Variants in ABCA9 observed in about 807,000 individuals in gnomAD.
ABCA9 encodes ATP-binding cassette sub-family A member 9.
Under a neutral mutation model 205.3 loss-of-function variants are expected in ABCA9, and 183 were observed. The ratio of observed to expected loss-of-function variants is 0.89; its 90% CI spans 0.79 to 1.01. The LOEUF is 1.01. ABCA9 is among the 50% of genes least tolerant of loss of function. ABCA9 has a pLI of 0.00. For synonymous variants in ABCA9, 651 were observed against 683.3 expected (o/e 0.95, Z 0.74); for missense variants, 1,805 against 1,912.4 (o/e 0.94, Z 1.05).
intron 19 of ABCA9, 92 bp from the exon 20 acceptor site, chr17:69,018,671 T>C: frequency 1.1e-6 from 1 of 947,190 alleles, no homozygotes; most frequent in Non-Finnish European, 1.5e-6. Flanking sequence ...ATAACAGAAA[T>C]AAATTATAAT....
chr17:68,986,047 A>G (rs879674671), intron 32 of ABCA9, 117 bp downstream of exon 32: 26 of 1,046,996 alleles, frequency 2.5e-5, no homozygotes, highest in Non-Finnish European at 3.3e-5. Context: ...TAGATGACCA[A>G]ATCTTCTCCC....
upstream of ABCA9, among the ~76,000 whole-genome samples, chr17:69,062,984 CA>C (rs1179732503): frequency 5.3e-5 from 8 of 151,986 alleles, no homozygotes; most frequent in Non-Finnish European, 4.4e-5. Flanking sequence ...ACATTTAATC[CA>C]CAGAATAATC....
intron 25 of ABCA9, among the ~76,000 whole-genome samples, chr17:69,003,180 TG>T (rs1191299621): frequency 2.0e-5 from 3 of 152,032 alleles, no homozygotes; most frequent in African/African-American, 7.3e-5. Flanking sequence ...CTGGTTATTT[TG>T]CTCGTTAGTT....
the ABCA9 span, among the ~76,000 whole-genome samples, chr17:69,067,601 AAAAGAAAG>A: frequency 8.0e-4 from 118 of 147,222 alleles, no homozygotes; most frequent in Admixed American, 1.8e-3. Flanking sequence ...AGAGAAAGAA[AAAAGAAAG>A]AAAGAAAGAA....
chr17:69,068,772 AAATAT>A, the ABCA9 span, among the ~76,000 whole-genome samples: 1 of 152,228 alleles, frequency 6.6e-6, no homozygotes, highest in Non-Finnish European at 1.5e-5. Context: ...AGCAACTAAT[AAATAT>A]ATTAGTGAAC....
Position 69,043,798 on chromosome 17 carries a change from C to T in ABCA9, c.574-83G>A, listed in dbSNP as rs557609378. 3.3e-4 allele frequency: 372 copies of T among 1,141,176 alleles called. No individual in the cohort carries two copies. The South Asian group carries it at 3.8e-3, about 12-fold the overall frequency. The allele number at this position is 1,141,176 out of a possible 1,614,324, so 70.7% of individuals were successfully genotyped here. A position where few individuals can be genotyped will look rare whatever the true frequency, so the allele number is the denominator to read the frequency against. ...TTTTTCTCTAAATTATAAGGAATCA[C>T]GTACATTCTACATTTATGTATTTTA... On this transcript the variant is annotated intron_variant, in intron 5 of 38. Transcript: ENST00000340001.
At chr17:69,032,502 A>T (rs1252734158) in intron 9 of ABCA9, 1 of 373,902 alleles carries the variant, frequency 2.7e-6, no homozygotes, top group African/African-American at 2.1e-5. Context: ...TAGCATTGTT[A>T]ACTAACTAAA....
chr17:68,999,236 AT>A (rs1253713040), intron 25 of ABCA9, among the ~76,000 whole-genome samples: 1 of 141,138 alleles, frequency 7.1e-6, no homozygotes, highest in Non-Finnish European at 1.5e-5. Flanking sequence ...CTAACTCGTC[AT>A]CTAGCATTAG....
chr17:69,005,053 C>T (rs2070073557), intron 25 of ABCA9, among the ~76,000 whole-genome samples: 1 of 152,216 alleles, frequency 6.6e-6, no homozygotes, highest in African/African-American at 2.4e-5. Flanking sequence ...CCCGCTACCT[C>T]AGATGGAAAT....
Position 69,018,586 on chromosome 17 carries a change from A to C in ABCA9, c.2601-7T>G. On this transcript the variant is annotated splice_region_variant and splice_polypyrimidine_tract_variant and intron_variant, in intron 19 of 38. Coordinates refer to ENST00000340001, the MANE Select transcript of ABCA9 (RefSeq NM_080283.4). The stretch of plus-strand genomic sequence containing the variant: ...AATACCAAAAAGCAATAATCTATGC[A>C]GAGGAAAATGTAAAAGAAAAAAATA... 1 of 1,554,126 alleles carries C rather than the reference A, an allele frequency of 6.4e-7. No homozygotes were observed. The highest frequency in any genetic ancestry group is 2.4e-5 in the East Asian group (1 of 42,274).
upstream of ABCA9, among the ~76,000 whole-genome samples, chr17:69,062,110 A>G (rs2072270984): frequency 6.6e-6 from 1 of 152,056 alleles, no homozygotes; most frequent in African/African-American, 2.4e-5. Context: ...AAGTAGGCTG[A>G]ACTCCTGAAT....
At position 69,018,446 on chromosome 17, in the gene ABCA9, G is replaced by A; in HGVS notation, c.2734C>T (p.Pro912Ser). ...TTGATGACCAGTAAATGGGTCAGAG[G>A]ATCCTGTGGTTGTTGTCCTGGTGAG... ...FLSPGQQPQD[P>S]LTHLLVINKT... The change falls in exon 20 of 39, where the codon CCT becomes TCT. Residue 912 changes from proline to serine, a missense_variant. Pro to Ser is a moderately conservative substitution (Grantham distance 74). Transcript: ENST00000340001. 1.2e-6 allele frequency: 2 copies of A among 1,601,432 alleles called. No homozygotes were observed. Among genetic ancestry groups the A allele is most frequent in the South Asian group, 1.1e-5 (1 of 89,144 alleles).
chr17:69,025,030 A>G (rs2070935084), intron 16 of ABCA9, among the ~76,000 whole-genome samples: 1 of 152,194 alleles, frequency 6.6e-6, no homozygotes, highest in Non-Finnish European at 1.5e-5. Context: ...TCAGTTTGAA[A>G]AAAAGGCTAT....
rs1463020772 is a variant in ABCA9, at chr17:68,989,848, A to G, written c.3920T>C (p.Ile1307Thr). 9.3e-6 allele frequency: 15 copies of G among 1,610,064 alleles called. No homozygotes were observed. The highest frequency in any genetic ancestry group is 2.7e-5 in the African/African-American group (2 of 74,872). ...KNCFSKRKKK[I>T]ATRNVSFCVK... ...ACAAAAAGAGACATTTCTTGTGGCA[A>G]TTTTTTTCTTCCTTTTAGAAAAGCA... Residue 1307 changes from isoleucine to threonine, a missense_variant, in exon 30 of 39, where the codon ATT becomes ACT. By Grantham distance (89) the Ile-to-Thr change is moderately conservative (BLOSUM62 -1). Coordinates refer to ENST00000340001, the MANE Select transcript of ABCA9 (RefSeq NM_080283.4).
chr17:68,995,370 T>C (rs1474902861), intron 26 of ABCA9, among the ~76,000 whole-genome samples: 1 of 152,192 alleles, frequency 6.6e-6, no homozygotes, highest in African/African-American at 2.4e-5. Context: ...CTTTCCAATC[T>C]CTAAATTTTG....
chr17:69,002,604 G>A (rs189568576), intron 25 of ABCA9, among the ~76,000 whole-genome samples: 114 of 152,266 alleles, frequency 7.5e-4, no homozygotes, highest in African/African-American at 2.6e-3. Flanking sequence ...TTGATTTGGG[G>A]TGGAGAGTTC....
intron 3 of ABCA9, 77 bp from the exon 4 acceptor site, chr17:69,045,413 A>C: frequency 3.7e-6 from 5 of 1,348,832 alleles, no homozygotes; most frequent in Non-Finnish European, 4.9e-6. Flanking sequence ...TGTTGAGGTT[A>C]TTTTATGTTA....
chr17:69,000,627 T>C (rs1306408160), intron 25 of ABCA9, among the ~76,000 whole-genome samples: 3 of 148,358 alleles, frequency 2.0e-5, no homozygotes, highest in African/African-American at 7.7e-5. Flanking sequence ...TTTGGTTCCA[T>C]ATGAACTTTA....
chr17:69,007,897 A>C lies in ABCA9; in HGVS notation c.3322-25T>G. On this transcript the variant is annotated intron_variant, in intron 24 of 38. Transcript: ENST00000340001. ...TCTGAAAACAGAAATGTTAAGGTCC[A>C]ATAAGGTAAATACTATCTAGAAGAG... The C allele has an allele frequency of 4.0e-6, 6 of 1,502,750 alleles. No homozygotes were observed. In the South Asian group the frequency reaches 6.9e-5, roughly 17 times the overall value. 93.1% of individuals were successfully genotyped at this position (1,502,750 alleles called of 1,614,324 possible).
Sources: gnomAD v4.1 joint callset for allele counts (sites outside exome capture counted in the v4.1 genomes callset) on GRCh38, gnomAD v4.1.1 for gene constraint, MANE v1.5 for transcripts, NCBI Gene and HGNC (gene_info 2026-07-23, HGNC 2026-07-21) for gene names.